Variants in NALF1 observed in about 807,000 individuals in gnomAD.
NALF1 encodes NALCN channel auxiliary factor 1.
NALF1 carries 3 observed loss-of-function variants against 48.4 expected under a neutral mutation model. That is an observed-to-expected ratio of 0.06 (90% CI 0.03 to 0.16). The LOEUF is 0.16. Ranked by LOEUF, NALF1 falls within the 10% of genes least tolerant of loss-of-function variation. The pLI is 1.00. For missense variants in NALF1, 526 were observed against 571.5 expected, an observed-to-expected ratio of 0.92 and a Z score of 0.81; for synonymous variants, 262 against 245.7, an observed-to-expected ratio of 1.07 and a Z score of -0.62.
chr13:107,503,454 A>G (rs1458293360), intron 1 of NALF1, among the ~76,000 whole-genome samples: 2 of 152,118 alleles, frequency 1.3e-5, no homozygotes, highest in Non-Finnish European at 2.9e-5. Flanking sequence ...GAGATAACAA[A>G]TGTTTGCAAG....
At chr13:107,200,285 C>T (rs1879484415) in intron 2 of NALF1, among the ~76,000 whole-genome samples, 2 of 152,122 alleles carry the variant, frequency 1.3e-5, no homozygotes, top group Admixed American at 6.5e-5. Context: ...GACAGACGGG[C>T]ATCCCAGGCA....
chr13:107,504,335 G>A (rs1875626506), intron 1 of NALF1, among the ~76,000 whole-genome samples: 1 of 151,838 alleles, frequency 6.6e-6, no homozygotes, highest in Admixed American at 6.6e-5. Flanking sequence ...GTCCAAGGAT[G>A]CCAAACAGCA....
chr13:107,330,432 C>T (rs1193908083), intron 1 of NALF1, among the ~76,000 whole-genome samples: 1 of 152,164 alleles, frequency 6.6e-6, no homozygotes, highest in Non-Finnish European at 1.5e-5. Flanking sequence ...TGGGGAATCA[C>T]ACTCTGAATC....
At chr13:107,540,069 CAT>C (rs1041389259) in intron 1 of NALF1, among the ~76,000 whole-genome samples, 3 of 151,974 alleles carry the variant, frequency 2.0e-5, no homozygotes, top group Non-Finnish European at 1.5e-5. Context: ...CACACACACA[CAT>C]ACACATATTA....
At chr13:107,304,034 T>C (rs9520373) in intron 1 of NALF1, among the ~76,000 whole-genome samples, 38,998 of 152,092 alleles carry the variant, frequency 0.26, 5,346 homozygotes, top group Non-Finnish European at 0.28. Context: ...GATCATATCA[T>C]TTGAACCATA....
chr13:107,674,123 G>A (rs1281337446), intron 1 of NALF1, among the ~76,000 whole-genome samples: 1 of 151,346 alleles, frequency 6.6e-6, no homozygotes, highest in South Asian at 2.1e-4. Context: ...GGCTTTGCCT[G>A]CTCCTTAGCC....
intron 2 of NALF1, among the ~76,000 whole-genome samples, chr13:107,201,168 CATCTATCT>C (rs10596555): frequency 0.033 from 4,997 of 150,578 alleles, 149 homozygotes; most frequent in African/African-American, 0.05. Flanking sequence ...ATCTATCTAT[CATCTATCT>C]ATCTATCTAT....
chr13:107,804,145 C>T (rs1469710939), intron 1 of NALF1, among the ~76,000 whole-genome samples: 4 of 152,264 alleles, frequency 2.6e-5, no homozygotes, highest in South Asian at 4.1e-4. Context: ...AGTGCCTAAC[C>T]CACACCCTGG....
intron 1 of NALF1, among the ~76,000 whole-genome samples, chr13:107,563,332 A>G (rs1262597095): frequency 6.6e-6 from 1 of 152,180 alleles, no homozygotes; most frequent in Non-Finnish European, 1.5e-5. Context: ...ACAAACAATC[A>G]CTGCTGTATT....
chr13:107,376,949 C>T (rs992713962), intron 1 of NALF1, among the ~76,000 whole-genome samples: 1 of 152,192 alleles, frequency 6.6e-6, no homozygotes, highest in African/African-American at 2.4e-5. Flanking sequence ...CTGTTCAGCA[C>T]AATGATGGCT....
intron 1 of NALF1, among the ~76,000 whole-genome samples, chr13:107,331,753 A>G (rs565433302): frequency 6.6e-6 from 1 of 152,296 alleles, no homozygotes; most frequent in South Asian, 2.1e-4. Context: ...TTTTCTTTCA[A>G]ATAAATTAGA....
At chr13:107,227,395 T>C (rs1214659250) in intron 1 of NALF1, among the ~76,000 whole-genome samples, 1 of 152,216 alleles carries the variant, frequency 6.6e-6, no homozygotes. Flanking sequence ...ACACAAAGTG[T>C]GCACAACTCC....
chr13:107,865,394 A>G (rs1283031880), intron 1 of NALF1, among the ~76,000 whole-genome samples: 2 of 152,150 alleles, frequency 1.3e-5, no homozygotes, highest in East Asian at 3.9e-4. Context: ...ACAGAGTTTG[A>G]GCCAACTGCA....
intron 2 of NALF1, among the ~76,000 whole-genome samples, chr13:107,177,890 A>G (rs886356194): frequency 1.2e-4 from 18 of 152,316 alleles, no homozygotes; most frequent in African/African-American, 4.3e-4. Context: ...TCTCTACTAA[A>G]AATGCAAAAA....
rs1024023224 is a variant in NALF1 at position 107,830,630 on chromosome 13, G to A, written c.915+35052C>T. Among the ~76,000 whole-genome samples, 12 of 152,176 alleles carry A rather than the reference G, an allele frequency of 7.9e-5. No homozygotes were observed. The East Asian group carries it at 1.4e-3, about 17-fold the overall frequency. ...CTTTGGCCATGTTTTAATCAATTTC[G>A]GGGAGCGGGGGGAGGATTCTTGTTG... On this transcript the variant is annotated intron_variant, in intron 1 of 2. Transcript: ENST00000375915.
intron 1 of NALF1, among the ~76,000 whole-genome samples, chr13:107,818,656 A>G (rs1879248606): frequency 6.8e-6 from 1 of 146,430 alleles, no homozygotes; most frequent in South Asian, 2.3e-4. Flanking sequence ...GCGGATCACG[A>G]GGTCAGGAGA....
chr13:107,200,988 T>C (rs1289481876), intron 2 of NALF1, among the ~76,000 whole-genome samples: 1 of 152,066 alleles, frequency 6.6e-6, no homozygotes, highest in Non-Finnish European at 1.5e-5. Context: ...AAATGAACAC[T>C]CATCCAGTGA....
chr13:107,609,377 G>A (rs1181224454), intron 1 of NALF1, among the ~76,000 whole-genome samples: 1 of 152,160 alleles, frequency 6.6e-6, no homozygotes, highest in Non-Finnish European at 1.5e-5. Context: ...CCAGTCCCGG[G>A]TGAGATCTCA....
intron 1 of NALF1, among the ~76,000 whole-genome samples, chr13:107,288,655 C>T (rs147008128): frequency 5.9e-5 from 9 of 151,720 alleles, no homozygotes; most frequent in East Asian, 5.8e-4. Flanking sequence ...CCTCAGCCTC[C>T]GGAGTAGCTG....
Sources: gnomAD v4.1 joint callset for allele counts (sites outside exome capture counted in the v4.1 genomes callset) on GRCh38, gnomAD v4.1.1 for gene constraint, MANE v1.5 for transcripts, NCBI Gene and HGNC (gene_info 2026-07-23, HGNC 2026-07-21) for gene names.